Variants in ZFPM2 observed in about 807,000 individuals in gnomAD.
ZFPM2 encodes the protein zinc finger protein ZFPM2.
In ZFPM2, 20 loss-of-function variants were observed where a neutral mutation model predicts 98.6. The observed-to-expected ratio is 0.20, with a 90% CI of 0.14 to 0.29. The LOEUF is 0.29. Ranked by LOEUF, ZFPM2 falls within the 10% of genes least tolerant of loss-of-function variation. The pLI is 1.00. For synonymous variants in ZFPM2, 518 were observed against 502.7 expected (o/e 1.03, Z -0.41); for missense variants, 1,310 against 1,388.6 (o/e 0.94, Z 0.90).
intron 5 of ZFPM2, among the ~76,000 whole-genome samples, chr8:105,710,663 TTG>T (rs34170034): frequency 0.4 from 57,492 of 143,424 alleles, 11,619 homozygotes; most frequent in Non-Finnish European, 0.47. Context: ...ATGCACAAAA[TTG>T]TGTGTGTGTG....
At chr8:105,738,853 G>T (rs1166106939) in intron 5 of ZFPM2, among the ~76,000 whole-genome samples, 2 of 151,826 alleles carry the variant, frequency 1.3e-5, no homozygotes, top group Non-Finnish European at 2.9e-5. Context: ...TATAGATTTT[G>T]ATTTAAATAA....
At chr8:105,523,823 A>G (rs1423320770) in intron 3 of ZFPM2, among the ~76,000 whole-genome samples, 1 of 152,146 alleles carries the variant, frequency 6.6e-6, no homozygotes, top group Non-Finnish European at 1.5e-5. Context: ...TTGGGTGTGT[A>G]TAGCCTCAGC....
intron 3 of ZFPM2, among the ~76,000 whole-genome samples, chr8:105,456,151 T>G (rs1412169272): frequency 3.5e-5 from 4 of 114,986 alleles, no homozygotes; most frequent in Non-Finnish European, 6.0e-5. Flanking sequence ...AAAATGTTTT[T>G]TTTTGTTTGT....
intron 4 of ZFPM2, among the ~76,000 whole-genome samples, chr8:105,620,384 A>C (rs934281227): frequency 5.9e-5 from 9 of 151,346 alleles, no homozygotes; most frequent in African/African-American, 1.5e-4. Context: ...GGGTTGTTTG[A>C]TTTTTTCTTG....
At chr8:105,753,332 T>C (rs1461235404) in intron 5 of ZFPM2, among the ~76,000 whole-genome samples, 1 of 152,122 alleles carries the variant, frequency 6.6e-6, no homozygotes, top group African/African-American at 2.4e-5. Flanking sequence ...ATAAACCTTA[T>C]ACACAAAGCC....
intron 5 of ZFPM2, among the ~76,000 whole-genome samples, chr8:105,688,022 A>G (rs1810781458): frequency 6.6e-6 from 1 of 152,168 alleles, no homozygotes; most frequent in African/African-American, 2.4e-5. Flanking sequence ...CAATGATATC[A>G]GGTGAAAAAG....
chr8:105,666,872 C>T (rs1817499581), intron 5 of ZFPM2, among the ~76,000 whole-genome samples: 1 of 152,120 alleles, frequency 6.6e-6, no homozygotes, highest in African/African-American at 2.4e-5. Context: ...ATTTAACGCT[C>T]CCACTAAATC....
intron 3 of ZFPM2, among the ~76,000 whole-genome samples, chr8:105,477,646 A>G (rs1413299627): frequency 6.6e-6 from 1 of 152,194 alleles, no homozygotes; most frequent in East Asian, 1.9e-4. Context: ...AAATCCTTTT[A>G]TAGAATAATA....
intron 3 of ZFPM2, among the ~76,000 whole-genome samples, chr8:105,453,262 G>A (rs530168613): frequency 1.3e-5 from 2 of 152,288 alleles, no homozygotes; most frequent in African/African-American, 4.8e-5. Context: ...ACTTCAGAGA[G>A]TGTATGTTCT....
chr8:105,428,989 C>T (rs766018587), intron 2 of ZFPM2, among the ~76,000 whole-genome samples: 6 of 151,994 alleles, frequency 3.9e-5, no homozygotes, highest in African/African-American at 9.7e-5. Flanking sequence ...ATAGCAGAGA[C>T]GGAAAGTGGA....
In ZFPM2 at chr8:105,712,864, A is replaced by C. The variant is rs112242541; in HGVS notation, c.533-75854A>C. On this transcript the variant is annotated intron_variant, in intron 5 of 7. Transcript: ENST00000407775. ...AGGATTATGGCCTCCAGCTGCATCC[A>C]TGTTGCTGCAAAGGACATGATATCA... is the stretch of plus-strand genomic sequence containing the variant. 9.4e-4 allele frequency among the ~76,000 whole-genome samples: 143 copies of C among 152,162 alleles called. 1 individual carries two copies. Among genetic ancestry groups the C allele is most frequent in the African/African-American group, 2.7e-3 (114 of 41,536 alleles).
At chr8:105,500,477 T>C (rs12546162) in intron 3 of ZFPM2, among the ~76,000 whole-genome samples, 2,266 of 152,304 alleles carry the variant, frequency 0.015, 107 homozygotes, top group Admixed American at 0.092. Flanking sequence ...GTGTATGTTA[T>C]AATTTTTTCC....
chr8:105,462,113 TG>T (rs1201251782), intron 3 of ZFPM2, among the ~76,000 whole-genome samples: 1 of 152,202 alleles, frequency 6.6e-6, no homozygotes, highest in Non-Finnish European at 1.5e-5. Flanking sequence ...AATAAAATTT[TG>T]AGAATTGTTT....
chr8:105,676,622 C>G (rs1810475722), intron 5 of ZFPM2, among the ~76,000 whole-genome samples: 1 of 151,576 alleles, frequency 6.6e-6, no homozygotes, highest in South Asian at 2.1e-4. Context: ...TTTTTATATT[C>G]TGATATTTAG....
intron 4 of ZFPM2, among the ~76,000 whole-genome samples, chr8:105,584,583 AT>A (rs1337806852): frequency 2.0e-5 from 3 of 152,220 alleles, no homozygotes; most frequent in African/African-American, 7.2e-5. Flanking sequence ...CCAACAAGTC[AT>A]TTATTCTTGT....
intron 1 of ZFPM2, among the ~76,000 whole-genome samples, chr8:105,346,962 C>T (rs1170890408): frequency 6.6e-6 from 1 of 152,088 alleles, no homozygotes; most frequent in Non-Finnish European, 1.5e-5. Context: ...GTCTTACAGT[C>T]TAAGGAAACC....
At chr8:105,591,609 A>G (rs1815845606) in intron 4 of ZFPM2, among the ~76,000 whole-genome samples, 1 of 152,176 alleles carries the variant, frequency 6.6e-6, no homozygotes, top group Non-Finnish European at 1.5e-5. Context: ...ATAATACTTG[A>G]TAAGCTTCAG....
chr8:105,569,136 A>C (rs1815302973), intron 4 of ZFPM2, among the ~76,000 whole-genome samples: 1 of 152,168 alleles, frequency 6.6e-6, no homozygotes, highest in Admixed American at 6.5e-5. Context: ...GTTTACTAGG[A>C]TAAGAGCACT....
At chr8:105,320,916 A>G (rs1250862509) in intron 1 of ZFPM2, among the ~76,000 whole-genome samples, 4 of 152,338 alleles carry the variant, frequency 2.6e-5, no homozygotes, top group Admixed American at 6.5e-5. Context: ...ATATATTTAT[A>G]TATTTATTCA....
Sources: allele counts gnomAD v4.1 joint callset (sites outside exome capture counted in the v4.1 genomes callset), GRCh38; gene constraint gnomAD v4.1.1; transcripts MANE v1.5; gene names NCBI Gene and HGNC (gene_info 2026-07-23, HGNC 2026-07-21).